ZNF831: variants seen among roughly 807,000 people sequenced by gnomAD.
ZNF831 encodes the protein chromosome 20 open reading frame 174.
ZNF831 carries 59 observed loss-of-function variants against 95.8 expected under a neutral mutation model. The ratio of observed to expected loss-of-function variants is 0.62; its 90% CI spans 0.50 to 0.77. ZNF831 has a LOEUF of 0.77. Among genes scored for constraint, ZNF831 ranks in the 30% least tolerant of loss-of-function variants. The pLI is 0.00. For synonymous variants in ZNF831, 961 were observed against 925.5 expected (o/e 1.04, Z -0.70); for missense variants, 2,205 against 2,164.0 (o/e 1.02, Z -0.38).
intron 4 of ZNF831, among the ~76,000 whole-genome samples, chr20:59,245,654 T>G (rs1987558929): frequency 6.6e-6 from 1 of 152,168 alleles, no homozygotes; most frequent in Non-Finnish European, 1.5e-5. Context: ...GAACCACTGG[T>G]TTTTAACAAA....
At chr20:59,218,822 G>C (rs1427831467) in intron 4 of ZNF831, among the ~76,000 whole-genome samples, 1 of 151,930 alleles carries the variant, frequency 6.6e-6, no homozygotes, top group Non-Finnish European at 1.5e-5. Context: ...AGACCAGCCT[G>C]GGCAACATGG....
intron 1 of ZNF831, among the ~76,000 whole-genome samples, chr20:59,170,682 T>A (rs1601327870): frequency 6.6e-6 from 1 of 152,300 alleles, no homozygotes; most frequent in Non-Finnish European, 1.5e-5. Context: ...ATAAGGGAAC[T>A]CCATGTGGCA....
chr20:59,161,272 C>CTTTGTATTT (rs1461331770), upstream of ZNF831, among the ~76,000 whole-genome samples: 2 of 147,514 alleles, frequency 1.4e-5, no homozygotes, highest in East Asian at 3.9e-4. Flanking sequence ...CTCTCACTGT[C>CTTTGTATTT]TTTGTTTTTT....
At position 59,193,329 on chromosome 20, in the gene ZNF831, G is replaced by T. The variant is rs2146581167; in HGVS notation, c.2310G>T (p.Gly770=). The change falls in exon 2 of 6, where the codon GGG becomes GGT. Residue 770 remains glycine, a synonymous_variant. Transcript: ENST00000371030. ...QMPPAPGPLK[G]GDVEAPRPVW... The stretch of plus-strand genomic sequence containing the variant: ...CCCCAGCACCTGGCCCCCTCAAAGG[G>T]GGTGATGTAGAGGCTCCCAGGCCAG... The T allele has an allele frequency of 6.2e-7, 1 of 1,613,138 alleles. No homozygotes were observed. The highest frequency in any genetic ancestry group is 1.1e-5 in the South Asian group (1 of 90,936).
Position 59,192,028 on chromosome 20 carries a change from C to T in ZNF831, c.1009C>T (p.Arg337Trp), listed in dbSNP as rs927913494. ...WDAKAPEGRL[R>W]KCESTDSGYL... ...TGCCAAGGCCCCCGAGGGCCGGCTGCGGAAGTGTGAGAGCACCGACTCGGG... is the reference window on the plus strand; with the variant it reads ...TGCCAAGGCCCCCGAGGGCCGGCTGTGGAAGTGTGAGAGCACCGACTCGGG... The change falls in exon 2 of 6, where the codon CGG becomes TGG. Residue 337 changes from arginine (R) to tryptophan (W), a missense_variant. Physicochemically the swap from Arg to Trp is moderately radical, Grantham distance 101. Coordinates refer to ENST00000371030, the MANE Select transcript of ZNF831 (RefSeq NM_178457.3). The surrounding 1 kb of genome is among the most constrained non-coding windows in gnomAD (Gnocchi z 5.2). The T allele has an allele frequency of 1.2e-6, 2 of 1,608,894 alleles. No individual in the cohort carries two copies. The highest frequency in any genetic ancestry group is 2.7e-5 in the African/African-American group (2 of 74,888).
intron 1 of ZNF831, among the ~76,000 whole-genome samples, chr20:59,178,838 G>A (rs542232571): frequency 2.0e-5 from 3 of 152,270 alleles, no homozygotes; most frequent in East Asian, 1.9e-4. Context: ...CAAGAAAACC[G>A]AGTCCTAGGG....
At position 59,258,472 on chromosome 20, in the gene ZNF831, T is replaced by C. The variant is rs1216808076; in HGVS notation, c.*3729T>C. On this transcript the variant is annotated 3_prime_UTR_variant, in exon 6 of 6. Coordinates refer to ENST00000371030, the MANE Select transcript of ZNF831 (RefSeq NM_178457.3). ...ATTTGCATTTTGCACAGAATTTGCC[T>C]GGTGCAGCAGATCTTTATAGTTATG... 1 of 152,672 alleles carries C rather than the reference T, an allele frequency of 6.5e-6. No homozygotes were observed. Among genetic ancestry groups the C allele is most frequent in the Non-Finnish European group, 1.5e-5 (1 of 68,036 alleles). The allele number at this position is 152,672 out of a possible 1,614,324, so 9.5% of individuals were successfully genotyped here.
At position 59,195,759 on chromosome 20, in the gene ZNF831, G is replaced by A. The variant is rs1011559036; in HGVS notation, c.3739-110G>A. The A allele has an allele frequency of 2.1e-4, 324 of 1,507,044 alleles. 1 individual carries two copies. Among genetic ancestry groups the A allele is most frequent in the Middle Eastern group, 4.9e-4 (2 of 4,086 alleles). 93.4% of individuals were successfully genotyped at this position (1,507,044 alleles called of 1,614,324 possible). A position where few individuals can be genotyped will look rare whatever the true frequency, so the allele number is the denominator to read the frequency against. Reference sequence around the variant, plus strand: ...GCCCGTTTAGCAATGCAGTATTTCCGTTTTGATTTCTGAAGACAGGCATCT... The same window carrying A: ...GCCCGTTTAGCAATGCAGTATTTCCATTTTGATTTCTGAAGACAGGCATCT... On this transcript the variant is annotated intron_variant, in intron 2 of 5. Coordinates refer to ENST00000371030, the MANE Select transcript of ZNF831 (RefSeq NM_178457.3).
chr20:59,139,715 G>T (rs1436652908), intron 1 of ZNF831, among the ~76,000 whole-genome samples: 1 of 152,130 alleles, frequency 6.6e-6, no homozygotes, highest in Non-Finnish European at 1.5e-5. Flanking sequence ...AGTCAGAACC[G>T]AAGCAGAAAA....
upstream of ZNF831, among the ~76,000 whole-genome samples, chr20:59,163,074 G>A (rs138957564): frequency 3.3e-5 from 5 of 151,430 alleles, no homozygotes; most frequent in African/African-American, 9.7e-5. Flanking sequence ...ATGGGATTGT[G>A]TTCTTGATTT....
Position 59,157,441 on chromosome 20 carries a change from G to A in ZNF831, c.-1280-2211G>A, listed in dbSNP as rs560075489. Reference sequence around the variant, plus strand: ...CTCTGGCTTGGGAGGCGAATTGGGTGGCTTATCATTTGAGAGCCCTGCCAC... The same window carrying A: ...CTCTGGCTTGGGAGGCGAATTGGGTAGCTTATCATTTGAGAGCCCTGCCAC... On this transcript the variant is annotated intron_variant, in intron 2 of 7. Transcript: ENST00000637017. Among the ~76,000 whole-genome samples, 474 of 152,292 alleles carry A rather than the reference G, an allele frequency of 3.1e-3. 1 individual carries two copies. Among genetic ancestry groups the A allele is most frequent in the Non-Finnish European group, 5.5e-3 (377 of 68,022 alleles).
At chr20:59,145,339 C>G (rs1389845886) in intron 1 of ZNF831, among the ~76,000 whole-genome samples, 1 of 152,178 alleles carries the variant, frequency 6.6e-6, no homozygotes. Flanking sequence ...GAGGAGGGGT[C>G]GGTCCTTTAA....
At chr20:59,149,898 G>A (rs1305689378) in intron 2 of ZNF831, among the ~76,000 whole-genome samples, 2 of 152,228 alleles carry the variant, frequency 1.3e-5, no homozygotes, top group African/African-American at 2.4e-5. Context: ...TCCCACACAG[G>A]GCTAAGGCTC....
At chr20:59,166,726 C>G (rs1981302243) in intron 1 of ZNF831, among the ~76,000 whole-genome samples, 1 of 152,190 alleles carries the variant, frequency 6.6e-6, no homozygotes, top group South Asian at 2.1e-4. Context: ...GCATAATTCT[C>G]TAGAGATTCA....
At chr20:59,128,338 C>T (rs904029039) in intron 1 of ZNF831, among the ~76,000 whole-genome samples, 4 of 152,218 alleles carry the variant, frequency 2.6e-5, no homozygotes, top group African/African-American at 9.6e-5. Context: ...GGGTATGGAA[C>T]ACTTCCTCTT....
chr20:59,242,652 T>C (rs1403287823), intron 4 of ZNF831, among the ~76,000 whole-genome samples: 2 of 152,212 alleles, frequency 1.3e-5, no homozygotes, highest in Non-Finnish European at 2.9e-5. Flanking sequence ...ATTTCTGAAA[T>C]AAAATGTATG....
At chr20:59,215,966 G>A (rs1054103742) in intron 4 of ZNF831, among the ~76,000 whole-genome samples, 4 of 152,114 alleles carry the variant, frequency 2.6e-5, no homozygotes, top group Non-Finnish European at 5.9e-5. Flanking sequence ...AAAGAGATTT[G>A]GAAGTGTTAG....
rs1166809674 is a variant in ZNF831 at position 59,255,551 on chromosome 20, CTGTAAT to C, written c.*809_*814del. On this transcript the variant is annotated 3_prime_UTR_variant, in exon 6 of 6. Coordinates refer to ENST00000371030, the MANE Select transcript of ZNF831 (RefSeq NM_178457.3). ...GTTAAAAGTTAATAGAACTGTCTCT[CTGTAAT>C]GAGTCATTTTTTGAGAGGGAAAAAT... The C allele has an allele frequency of 6.6e-5, 10 of 152,130 alleles. No individual in the cohort carries two copies. Among genetic ancestry groups the C allele is most frequent in the African/African-American group, 2.4e-4 (10 of 41,404 alleles). 9.4% of individuals were successfully genotyped at this position (152,130 alleles called of 1,614,324 possible). A position where few individuals can be genotyped will look rare whatever the true frequency, so the allele number is the denominator to read the frequency against.
Position 59,254,929 on chromosome 20 carries a change from A to AGGGGAGCTGGGGAAC in ZNF831, c.*187_*188insGGGAGCTGGGGAACG. 1 of 741,350 alleles carries AGGGGAGCTGGGGAAC rather than the reference A, an allele frequency of 1.3e-6. No homozygotes were observed. The highest frequency in any genetic ancestry group is 2.1e-6 in the Non-Finnish European group (1 of 470,792). The allele number at this position is 741,350 out of a possible 1,614,324, so 45.9% of individuals were successfully genotyped here. Reference sequence around the variant, plus strand: ...CCCCAACTCAGCCGCAGCGTTCCCCAGCTCCCCTTGGGAGTGCTCTGCTCA... The same window carrying AGGGGAGCTGGGGAAC: ...CCCCAACTCAGCCGCAGCGTTCCCCAGGGGAGCTGGGGAACGCTCCCCTTGGGAGTGCTCTGCTCA... On this transcript the variant is annotated 3_prime_UTR_variant, in exon 6 of 6. Transcript: ENST00000371030. The surrounding 1 kb of genome is among the most constrained non-coding windows in gnomAD (Gnocchi z 4.5).
Sources: gnomAD v4.1 joint callset for allele counts (sites outside exome capture counted in the v4.1 genomes callset) on GRCh38, gnomAD v4.1.1 for gene constraint, Gnocchi (gnomAD v3.1) non-coding constraint, MANE v1.5 for transcripts, NCBI Gene and HGNC (gene_info 2026-07-23, HGNC 2026-07-21) for gene names.